Variants in UBR2 observed in about 807,000 individuals in gnomAD.
The protein encoded by UBR2 is ubiquitin protein ligase E3 component n-recognin 2.
UBR2 carries 92 observed loss-of-function variants against 247.9 expected under a neutral mutation model. That is an observed-to-expected ratio of 0.37 (90% CI 0.31 to 0.44). The LOEUF is 0.44. UBR2 is among the 20% of genes least tolerant of loss of function. The probability of loss-of-function intolerance (pLI) is 1.00; values close to 1 mark genes in which losing one functional copy is unlikely to be tolerated. For missense variants in UBR2, 1,613 were observed against 2,112.6 expected (o/e 0.76, Z 4.64); for synonymous variants, 672 against 693.5 (o/e 0.97, Z 0.49).
chr6:42,644,264 C>T lies in UBR2; in HGVS notation c.2148C>T (p.Ser716=), dbSNP rs142842307. 1 of 1,612,744 alleles carries T rather than the reference C, an allele frequency of 6.2e-7. No individual in the cohort carries two copies. The highest frequency in any genetic ancestry group is 1.3e-5 in the African/African-American group (1 of 74,650). The change falls in exon 19 of 47, where the codon AGC becomes AGT. Residue 716 remains serine, a synonymous_variant. Coordinates refer to ENST00000372901, the MANE Select transcript of UBR2 (RefSeq NM_001363705.2). ...ATCATTTCCTGATGATCATGCTCAG[C>T]CGCTTTGAACTTTATCAGATTTTCA... is the stretch of plus-strand genomic sequence containing the variant. The part of the protein sequence containing the change: ...DPNHFLMIML[S]RFELYQIFST...
chr6:42,593,479 T>A (rs770869647), intron 3 of UBR2, among the ~76,000 whole-genome samples: 1 of 152,228 alleles, frequency 6.6e-6, no homozygotes, highest in Non-Finnish European at 1.5e-5. Context: ...AAATTTGCTG[T>A]ATCTAATACC....
intron 1 of UBR2, among the ~76,000 whole-genome samples, chr6:42,564,663 C>A (rs1329614725): frequency 6.6e-6 from 1 of 152,258 alleles, no homozygotes; most frequent in Non-Finnish European, 1.5e-5. Context: ...TCCATCATAC[C>A]TCCTTTCCCC....
At position 42,671,421 on chromosome 6, in the gene UBR2, AAAAG is replaced by A. The variant is rs1488516495; in HGVS notation, c.4086+709_4086+712del. Among the ~76,000 whole-genome samples, 53 of 152,022 alleles carry A rather than the reference AAAAG, an allele frequency of 3.5e-4. No homozygotes were observed. The East Asian group carries it at 4.3e-3, about 12-fold the overall frequency. On this transcript the variant is annotated intron_variant, in intron 36 of 46. Coordinates refer to ENST00000372901, the MANE Select transcript of UBR2 (RefSeq NM_001363705.2). The stretch of plus-strand genomic sequence containing the variant: ...CAAGATCCTATCTTTAAAAAAAAAA[AAAAG>A]AAGAAGAAGAAGCAGAAGAATGTAT...
chr6:42,573,635 T>C, intron 1 of UBR2, 99 bp from the exon 2 acceptor site: 1 of 1,314,804 alleles, frequency 7.6e-7, no homozygotes, highest in Non-Finnish European at 1.0e-6. Context: ...TTTAATATGC[T>C]TTTGTCATTA....
At chr6:42,599,284 G>A (rs911170039) in intron 4 of UBR2, among the ~76,000 whole-genome samples, 3 of 152,150 alleles carry the variant, frequency 2.0e-5, no homozygotes, top group African/African-American at 7.2e-5. Context: ...AGCCTCATAA[G>A]ATAGATAATG....
intron 32 of UBR2, among the ~76,000 whole-genome samples, chr6:42,663,913 C>A (rs1797965125): frequency 6.6e-6 from 1 of 152,142 alleles, no homozygotes; most frequent in South Asian, 2.1e-4. Context: ...AATCCTAGCA[C>A]TTTGAGAGGC....
At position 42,665,299 on chromosome 6, in the gene UBR2, G is replaced by A. The variant is rs2151978457; in HGVS notation, c.3699-110G>A. On this transcript the variant is annotated intron_variant, in intron 32 of 46. Transcript: ENST00000372901. ...CAACAAATTTTCCCTTATCCTTTTT[G>A]TTTTTAATATTTGGAGTGTGTCTAA... 5.3e-6 allele frequency: 4 copies of A among 752,214 alleles called. No individual in the cohort carries two copies. In the South Asian group the frequency reaches 8.4e-5, roughly 16 times the overall value. The allele number at this position is 752,214 out of a possible 1,614,324, so 46.6% of individuals were successfully genotyped here.
At chr6:42,589,506 C>G (rs114244132) in intron 2 of UBR2, among the ~76,000 whole-genome samples, 1 of 152,212 alleles carries the variant, frequency 6.6e-6, no homozygotes, top group Non-Finnish European at 1.5e-5. Context: ...TAGAGCGACG[C>G]TGGCCTAATA....
intron 13 of UBR2, among the ~76,000 whole-genome samples, chr6:42,633,525 G>A (rs910677967): frequency 1.5e-4 from 23 of 152,066 alleles, no homozygotes; most frequent in Non-Finnish European, 2.8e-4. Flanking sequence ...CAAACAGCTG[G>A]AATTACAGGT....
intron 42 of UBR2, among the ~76,000 whole-genome samples, chr6:42,681,721 T>G (rs1247039090): frequency 6.6e-6 from 1 of 152,218 alleles, no homozygotes; most frequent in African/African-American, 2.4e-5. Context: ...TAAAGTTACC[T>G]TATGATTCAG....
At chr6:42,625,453 G>A (rs1349504598) in intron 11 of UBR2, among the ~76,000 whole-genome samples, 1 of 151,824 alleles carries the variant, frequency 6.6e-6, no homozygotes, top group African/African-American at 2.4e-5. Context: ...TTCTAAGGAT[G>A]TATACTCTTT....
chr6:42,618,346 A>G (rs962375326), intron 11 of UBR2, among the ~76,000 whole-genome samples: 6 of 152,226 alleles, frequency 3.9e-5, no homozygotes, highest in Non-Finnish European at 5.9e-5. Context: ...CTCTTGGCAA[A>G]TAGAGGAAAA....
chr6:42,628,577 G>T (rs1795499357), intron 11 of UBR2, among the ~76,000 whole-genome samples: 1 of 151,976 alleles, frequency 6.6e-6, no homozygotes, highest in Admixed American at 6.6e-5. Flanking sequence ...CAAAAAATTA[G>T]CTGGGCATGG....
chr6:42,642,318 G>GCA, intron 17 of UBR2, 98 bp from the exon 18 acceptor site: 1 of 764,424 alleles, frequency 1.3e-6, no homozygotes, highest in Non-Finnish European at 2.2e-6. Context: ...TCACACACAT[G>GCA]CACACATTCT....
In UBR2 at chr6:42,670,240, G is replaced by T; in HGVS notation, c.4030G>T (p.Glu1344Ter). ...GSCAYTIQSI[E>*]RILSDEDKPL... ...CTGCGCGTACACCATCCAAAGCATA[G>T]GTAAGAGATTTACAGCTGTTTCTCT... Residue 1344 changes from glutamate to a stop codon, truncating the protein, a stop_gained and splice_region_variant, in exon 35 of 47, where the codon GAA (glutamate) becomes TAA (stop). Coordinates refer to ENST00000372901, the MANE Select transcript of UBR2 (RefSeq NM_001363705.2). LOFTEE classifies it high-confidence loss of function. The T allele has an allele frequency of 6.2e-7, 1 of 1,612,720 alleles. No individual in the cohort carries two copies. Among genetic ancestry groups the T allele is most frequent in the Non-Finnish European group, 8.5e-7 (1 of 1,178,966 alleles).
chr6:42,640,045 A>G (rs1796333135), intron 15 of UBR2, among the ~76,000 whole-genome samples, 164 bp from the exon 16 acceptor site: 1 of 152,190 alleles, frequency 6.6e-6, no homozygotes, highest in Non-Finnish European at 1.5e-5. Context: ...AATAATAATA[A>G]TAAGCCTCTT....
At chr6:42,614,240 ACACACG>A (rs760949595) in intron 8 of UBR2, among the ~76,000 whole-genome samples, 5,311 of 39,818 alleles carry the variant, frequency 0.13, 270 homozygotes, top group Middle Eastern at 0.17. Flanking sequence ...ACACACACAC[ACACACG>A]CGCGCACATA....
intron 18 of UBR2, 87 bp downstream of exon 18, chr6:42,642,568 T>C: frequency 8.8e-7 from 1 of 1,131,226 alleles, no homozygotes; most frequent in Non-Finnish European, 1.3e-6. Flanking sequence ...TTGTGATCAC[T>C]CCCAAATCTA....
At chr6:42,644,085 G>A in intron 18 of UBR2, 129 bp from the exon 19 acceptor site, 7 of 898,470 alleles carry the variant, frequency 7.8e-6, no homozygotes, top group Non-Finnish European at 1.2e-5. Flanking sequence ...ATTGGGATTG[G>A]TGAACCTTTT....
Sources: gnomAD v4.1 joint callset for allele counts (sites outside exome capture counted in the v4.1 genomes callset) on GRCh38, gnomAD v4.1.1 for gene constraint, MANE v1.5 for transcripts, NCBI Gene and HGNC (gene_info 2026-07-23, HGNC 2026-07-21) for gene names.